Variants in LRRTM4 observed in about 807,000 individuals in gnomAD.
The protein encoded by LRRTM4 is leucine rich repeat transmembrane neuronal 4, also known as leucine-rich repeat transmembrane neuronal protein 4.
LRRTM4 carries 25 observed loss-of-function variants against 47.6 expected under a neutral mutation model. The observed-to-expected ratio is 0.53, with a 90% CI of 0.38 to 0.73. The LOEUF is 0.73. Among genes scored for constraint, LRRTM4 ranks in the 30% least tolerant of loss-of-function variants. The pLI is 0.00. For missense variants in LRRTM4, 638 were observed against 713.4 expected, an observed-to-expected ratio of 0.89 and a Z score of 1.20; for synonymous variants, 311 against 269.5, an observed-to-expected ratio of 1.15 and a Z score of -1.51.
At chr2:77,517,727 C>A in intron 3 of LRRTM4, 1 of 984,458 alleles carries the variant, frequency 1.0e-6, no homozygotes, top group Non-Finnish European at 1.2e-6. Flanking sequence ...CCTTAGGAGC[C>A]TGATACAATT....
intron 3 of LRRTM4, among the ~76,000 whole-genome samples, chr2:76,988,083 C>A (rs138580711): frequency 4.5e-4 from 69 of 151,828 alleles, no homozygotes; most frequent in African/African-American, 1.6e-3. Flanking sequence ...GCTCTGGGTT[C>A]TTTTTTCTTC....
intron 3 of LRRTM4, among the ~76,000 whole-genome samples, chr2:76,849,174 T>TA (rs1412495816): frequency 6.6e-6 from 1 of 151,776 alleles, no homozygotes; most frequent in African/African-American, 2.4e-5. Flanking sequence ...GCTTTGAGAG[T>TA]AATGTGGGGG....
intron 3 of LRRTM4, among the ~76,000 whole-genome samples, chr2:77,319,925 C>T (rs891185289): frequency 6.6e-6 from 1 of 152,206 alleles, no homozygotes; most frequent in Admixed American, 6.5e-5. Flanking sequence ...CATCATAGAA[C>T]ATCCCTTCTA....
chr2:76,892,546 CA>C (rs1451047771), intron 3 of LRRTM4, among the ~76,000 whole-genome samples: 2 of 151,688 alleles, frequency 1.3e-5, no homozygotes, highest in African/African-American at 4.8e-5. Flanking sequence ...GTGTAAACTG[CA>C]ATTTTTTTTG....
chr2:77,341,478 G>T (rs1282572964), intron 3 of LRRTM4, among the ~76,000 whole-genome samples: 1 of 151,894 alleles, frequency 6.6e-6, no homozygotes, highest in Non-Finnish European at 1.5e-5. Context: ...TATTTCAGCT[G>T]CTATTGAAGA....
chr2:77,271,528 C>A (rs766850450), intron 3 of LRRTM4, among the ~76,000 whole-genome samples: 2 of 152,092 alleles, frequency 1.3e-5, no homozygotes, highest in African/African-American at 2.4e-5. Flanking sequence ...GTGCGGGGGG[C>A]CAAGTAGAGG....
At position 77,011,190 on chromosome 2, in the gene LRRTM4, C is replaced by T. The variant is rs191402774; in HGVS notation, c.1552-262274G>A. Among the ~76,000 whole-genome samples the T allele has an allele frequency of 3.9e-5, 6 of 152,102 alleles. No homozygotes were observed. The East Asian group carries it at 1.2e-3, about 29-fold the overall frequency. On this transcript the variant is annotated intron_variant, in intron 3 of 3. Coordinates refer to ENST00000409884, the MANE Select transcript of LRRTM4 (RefSeq NM_001134745.3). ...TAAAAATAGTTTTAACACAGTTTAG[C>T]CCAATATTTTCAAAAATATAATTTC...
At chr2:77,074,396 T>G (rs2103837203) in intron 3 of LRRTM4, among the ~76,000 whole-genome samples, 1 of 152,252 alleles carries the variant, frequency 6.6e-6, no homozygotes, top group South Asian at 2.1e-4. Context: ...CACTTTTTTC[T>G]GTTGAAACTG....
chr2:76,777,161 G>C (rs923103613), intron 3 of LRRTM4, among the ~76,000 whole-genome samples: 1 of 150,534 alleles, frequency 6.6e-6, no homozygotes, highest in African/African-American at 2.4e-5. Flanking sequence ...GGTTACTGTA[G>C]CCTTGCAGTA....
At chr2:76,851,500 G>A (rs770125877) in intron 3 of LRRTM4, among the ~76,000 whole-genome samples, 4 of 152,056 alleles carry the variant, frequency 2.6e-5, no homozygotes, top group Non-Finnish European at 5.9e-5. Flanking sequence ...ACCCTGGCTT[G>A]TCCTTACCGT....
At chr2:77,225,756 C>T (rs1487722812) in intron 3 of LRRTM4, among the ~76,000 whole-genome samples, 2 of 151,844 alleles carry the variant, frequency 1.3e-5, no homozygotes, top group Non-Finnish European at 2.9e-5. Context: ...TTAAATTTAC[C>T]TAGAGAAGAA....
At chr2:77,235,642 A>G (rs1476226634) in intron 3 of LRRTM4, among the ~76,000 whole-genome samples, 2 of 152,040 alleles carry the variant, frequency 1.3e-5, no homozygotes, top group African/African-American at 4.8e-5. Context: ...ATTCTCATAG[A>G]TGGAGTTCTC....
At chr2:77,359,963 C>G (rs539458968) in intron 3 of LRRTM4, among the ~76,000 whole-genome samples, 4 of 152,042 alleles carry the variant, frequency 2.6e-5, no homozygotes, top group Admixed American at 1.3e-4. Flanking sequence ...CAAGTGCTAA[C>G]CTAGTTACTA....
chr2:77,074,259 T>C (rs758006156), intron 3 of LRRTM4, among the ~76,000 whole-genome samples: 7 of 152,214 alleles, frequency 4.6e-5, no homozygotes, highest in Admixed American at 2.0e-4. Flanking sequence ...TTGCTAACAG[T>C]GTGAGTGTGA....
intron 3 of LRRTM4, among the ~76,000 whole-genome samples, chr2:76,943,523 A>G (rs1359093145): frequency 6.6e-6 from 1 of 152,194 alleles, no homozygotes; most frequent in African/African-American, 2.4e-5. Context: ...CTCACTGGCA[A>G]CAGTTATTGT....
chr2:77,102,820 T>C (rs921875770), intron 3 of LRRTM4, among the ~76,000 whole-genome samples: 13 of 152,188 alleles, frequency 8.5e-5, no homozygotes, highest in African/African-American at 3.1e-4. Flanking sequence ...ACAAACCAGT[T>C]TGGTGTCTGC....
At position 76,748,734 on chromosome 2, in the gene LRRTM4, C is replaced by T; in HGVS notation, c.1734G>A (p.Ser578=). Residue 578 remains serine (S), a synonymous_variant, in exon 4 of 4, where the codon TCG becomes TCA. Transcript: ENST00000409884. ...TCTCTAGGTAGATGGCCGGTGCTGCCGACCTGGCGATGGTGGCGATGAAGC... is the reference window on the plus strand; with the variant it reads ...TCTCTAGGTAGATGGCCGGTGCTGCTGACCTGGCGATGGTGGCGATGAAGC... ...DHSFIATIAR[S]AAPAIYLERI... is the part of the protein sequence containing the mutation. 6.2e-7 allele frequency: 1 copy of T among 1,613,862 alleles called. No homozygotes were observed.
At chr2:76,896,056 A>G (rs1032370008) in intron 3 of LRRTM4, among the ~76,000 whole-genome samples, 1 of 152,058 alleles carries the variant, frequency 6.6e-6, no homozygotes, top group Non-Finnish European at 1.5e-5. Context: ...TTGGAAAAAC[A>G]CTTTGGTTTT....
chr2:77,328,909 G>A (rs1459522027), intron 3 of LRRTM4, among the ~76,000 whole-genome samples: 1 of 152,178 alleles, frequency 6.6e-6, no homozygotes, highest in East Asian at 1.9e-4. Flanking sequence ...AGCTATGTGA[G>A]GCAGTAATAG....
Sources: allele counts gnomAD v4.1 joint callset (sites outside exome capture counted in the v4.1 genomes callset), GRCh38; gene constraint gnomAD v4.1.1; transcripts MANE v1.5; gene names NCBI Gene and HGNC (gene_info 2026-07-23, HGNC 2026-07-21).